Variants in SPOCK1 observed in about 807,000 individuals in gnomAD.
The protein encoded by SPOCK1 is testican-1.
In SPOCK1, 23 loss-of-function variants were observed where a neutral mutation model predicts 55.3. The observed-to-expected ratio is 0.42, with a 90% CI of 0.30 to 0.59. The LOEUF (loss-of-function observed/expected upper bound fraction) is 0.59, where lower values mean the gene tolerates loss of function less well. SPOCK1 is among the 20% of genes least tolerant of loss of function. The pLI, the probability that SPOCK1 is intolerant of heterozygous loss-of-function variation, is 0.22. For missense variants in SPOCK1, 499 were observed against 552.5 expected (o/e 0.90, Z 0.97); for synonymous variants, 226 against 221.0 (o/e 1.02, Z -0.20).
intron 5 of SPOCK1, among the ~76,000 whole-genome samples, chr5:137,104,499 C>T (rs138437011): frequency 1.6e-4 from 25 of 152,304 alleles, no homozygotes; most frequent in African/African-American, 3.9e-4. Flanking sequence ...AATGCCTTAT[C>T]GCAGGGTCCC....
intron 6 of SPOCK1, among the ~76,000 whole-genome samples, chr5:137,052,615 T>C (rs1752226929): frequency 6.6e-6 from 1 of 152,190 alleles, no homozygotes; most frequent in South Asian, 2.1e-4. Flanking sequence ...AACTATAAAT[T>C]AGAGAAGCTA....
chr5:137,380,588 G>T (rs1751442047), intron 2 of SPOCK1, among the ~76,000 whole-genome samples: 1 of 152,208 alleles, frequency 6.6e-6, no homozygotes, highest in Admixed American at 6.5e-5. Context: ...AATCATGGCA[G>T]AAGATGAAGG....
intron 2 of SPOCK1, among the ~76,000 whole-genome samples, chr5:137,378,863 C>G (rs1048781471): frequency 2.6e-5 from 4 of 152,116 alleles, no homozygotes; most frequent in Non-Finnish European, 5.9e-5. Context: ...AAGAAAGCAG[C>G]ATCAGAGGGG....
intron 4 of SPOCK1, among the ~76,000 whole-genome samples, chr5:137,115,707 C>T (rs912031789): frequency 2.6e-5 from 4 of 152,166 alleles, no homozygotes; most frequent in Admixed American, 1.3e-4. Context: ...TCAGCTGTTG[C>T]TTACCTCCAC....
chr5:137,429,727 C>T (rs1752705224), intron 2 of SPOCK1, among the ~76,000 whole-genome samples: 1 of 152,224 alleles, frequency 6.6e-6, no homozygotes, highest in Non-Finnish European at 1.5e-5. Context: ...CAGTTCAATC[C>T]TTAGCCCATA....
intron 3 of SPOCK1, among the ~76,000 whole-genome samples, chr5:137,141,468 T>C (rs964244924): frequency 1.3e-5 from 2 of 152,256 alleles, no homozygotes; most frequent in Admixed American, 1.3e-4. Context: ...TTTAAGTTTT[T>C]GAAGAACTTC....
chr5:137,026,526 C>A (rs983643611), intron 6 of SPOCK1, among the ~76,000 whole-genome samples: 1 of 152,224 alleles, frequency 6.6e-6, no homozygotes, highest in Non-Finnish European at 1.5e-5. Flanking sequence ...CCTGCCAGCT[C>A]ACCCTGCAGA....
intron 6 of SPOCK1, among the ~76,000 whole-genome samples, chr5:137,018,544 C>T (rs747094008): frequency 6.6e-6 from 1 of 151,990 alleles, no homozygotes; most frequent in East Asian, 1.9e-4. Flanking sequence ...GATACTGATA[C>T]GAAAGTATGG....
At chr5:137,220,753 AG>A (rs1368841579) in intron 3 of SPOCK1, among the ~76,000 whole-genome samples, 2 of 152,254 alleles carry the variant, frequency 1.3e-5, no homozygotes, top group African/African-American at 2.4e-5. Context: ...GGTCACTAAG[AG>A]GCTGTGTCAG....
chr5:137,471,798 C>G (rs1024401662), intron 2 of SPOCK1, among the ~76,000 whole-genome samples: 2 of 152,126 alleles, frequency 1.3e-5, no homozygotes, highest in Non-Finnish European at 1.5e-5. Context: ...GCAGGAGGAA[C>G]CCCATCACTC....
chr5:137,160,585 T>A (rs1274758027), intron 3 of SPOCK1, among the ~76,000 whole-genome samples: 7 of 65,638 alleles, frequency 1.1e-4, no homozygotes, highest in South Asian at 3.7e-4. Flanking sequence ...ATAATATATA[T>A]AATATATAAT....
rs1446046621 is a variant in SPOCK1 at position 137,339,672 on chromosome 5, G to T, written c.187-72617C>A. Among the ~76,000 whole-genome samples the T allele has an allele frequency of 2.0e-5, 3 of 151,960 alleles. No individual in the cohort carries two copies. In the East Asian group the frequency reaches 5.8e-4, roughly 29 times the overall value. On this transcript the variant is annotated intron_variant, in intron 2 of 10. Transcript: ENST00000394945. ...ATCAGTATTCTGTCTCATTACACTG[G>T]AAGAGTCCAGACGGGTACACATAGC... is the stretch of plus-strand genomic sequence containing the variant.
intron 3 of SPOCK1, among the ~76,000 whole-genome samples, chr5:137,221,252 C>T (rs1264263631): frequency 6.6e-6 from 1 of 152,062 alleles, no homozygotes; most frequent in Admixed American, 6.6e-5. Flanking sequence ...GGTAAATGAC[C>T]AATGAGTTAT....
intron 6 of SPOCK1, among the ~76,000 whole-genome samples, chr5:137,057,306 C>T (rs1778351922): frequency 6.6e-6 from 1 of 152,090 alleles, no homozygotes; most frequent in African/African-American, 2.4e-5. Context: ...ATCTCAGTTC[C>T]CTCTTTTACT....
intron 3 of SPOCK1, among the ~76,000 whole-genome samples, chr5:137,141,339 T>C (rs1046440554): frequency 2.0e-5 from 3 of 152,262 alleles, no homozygotes; most frequent in African/African-American, 4.8e-5. Flanking sequence ...TGGTTATGAA[T>C]CTGGTGTTGC....
chr5:137,320,006 T>C (rs1198506970), intron 2 of SPOCK1, among the ~76,000 whole-genome samples: 1 of 146,454 alleles, frequency 6.8e-6, no homozygotes, highest in Non-Finnish European at 1.5e-5. Flanking sequence ...TTATGAGAAC[T>C]CCAGAATTCA....
chr5:137,442,485 C>G (rs1018461517), intron 2 of SPOCK1, among the ~76,000 whole-genome samples: 1 of 152,218 alleles, frequency 6.6e-6, no homozygotes, highest in South Asian at 2.1e-4. Context: ...TATTACCTAA[C>G]TCACATGGTT....
At chr5:137,012,813 A>G (rs185709683) in intron 6 of SPOCK1, among the ~76,000 whole-genome samples, 3 of 152,366 alleles carry the variant, frequency 2.0e-5, no homozygotes, top group Admixed American at 6.5e-5. Flanking sequence ...TCTTACAACT[A>G]TAAGGCTTAT....
At chr5:137,397,219 A>G (rs1319695132) in intron 2 of SPOCK1, among the ~76,000 whole-genome samples, 1 of 152,172 alleles carries the variant, frequency 6.6e-6, no homozygotes, top group Non-Finnish European at 1.5e-5. Flanking sequence ...ATGACCCTCT[A>G]GAACAGCAAT....
Sources: gnomAD v4.1 joint callset for allele counts (sites outside exome capture counted in the v4.1 genomes callset) on GRCh38, gnomAD v4.1.1 for gene constraint, MANE v1.5 for transcripts, NCBI Gene and HGNC (gene_info 2026-07-23, HGNC 2026-07-21) for gene names.